FSTL5: variants seen among roughly 807,000 people sequenced by gnomAD.
FSTL5 encodes follistatin-related protein 5.
Under a neutral mutation model 89.1 loss-of-function variants are expected in FSTL5, and 62 were observed. The ratio of observed to expected loss-of-function variants is 0.70; its 90% confidence interval spans 0.57 to 0.86. The LOEUF (loss-of-function observed/expected upper bound fraction) is 0.86. Among genes scored for constraint, FSTL5 ranks in the 40% least tolerant of loss-of-function variants. FSTL5 has a pLI of 0.00. For synonymous variants in FSTL5, 383 were observed against 346.2 expected, an observed-to-expected ratio of 1.11 and a Z score of -1.18; for missense variants, 1,057 against 1,001.6, an observed-to-expected ratio of 1.06 and a Z score of -0.75.
chr4:161,587,353 A>G, intron 8 of FSTL5, 102 bp downstream of exon 8: 7 of 1,029,294 alleles, frequency 6.8e-6, no homozygotes, highest in Non-Finnish European at 8.8e-6. Flanking sequence ...AAAACTTGAA[A>G]TATTATTAGT....
At chr4:162,130,465 C>T (rs1032194158) in intron 1 of FSTL5, among the ~76,000 whole-genome samples, 21 of 152,226 alleles carry the variant, frequency 1.4e-4, no homozygotes, top group African/African-American at 4.8e-4. Flanking sequence ...ATTATCCTTA[C>T]AACTATATTT....
At chr4:162,132,988 G>A (rs1361647962) in intron 1 of FSTL5, among the ~76,000 whole-genome samples, 1 of 152,108 alleles carries the variant, frequency 6.6e-6, no homozygotes, top group Non-Finnish European at 1.5e-5. Flanking sequence ...TGTCGCCCAG[G>A]CTGGAGTGCA....
chr4:161,733,882 A>T (rs896275913), intron 6 of FSTL5, among the ~76,000 whole-genome samples: 3 of 151,992 alleles, frequency 2.0e-5, no homozygotes, highest in African/African-American at 7.2e-5. Context: ...AGTTATCTAG[A>T]CTAAACCTTA....
chr4:161,662,397 A>T (rs2126688498), intron 6 of FSTL5, among the ~76,000 whole-genome samples: 1 of 152,312 alleles, frequency 6.6e-6, no homozygotes, highest in Admixed American at 6.5e-5. Context: ...TTATGAAAAT[A>T]AAATTCCAGG....
intron 2 of FSTL5, among the ~76,000 whole-genome samples, chr4:162,079,361 G>A (rs1348662313): frequency 6.6e-6 from 1 of 151,604 alleles, no homozygotes; most frequent in Non-Finnish European, 1.5e-5. Flanking sequence ...GAGTAGAGAA[G>A]GGAAGAGGAA....
At chr4:161,519,826 A>G (rs1181720342) in intron 10 of FSTL5, among the ~76,000 whole-genome samples, 2 of 152,212 alleles carry the variant, frequency 1.3e-5, no homozygotes, top group Non-Finnish European at 2.9e-5. Context: ...CATTTTAAGT[A>G]TGTGGCAAGC....
chr4:161,634,381 C>G (rs1277155079), intron 7 of FSTL5, among the ~76,000 whole-genome samples: 2 of 152,218 alleles, frequency 1.3e-5, no homozygotes, highest in Non-Finnish European at 2.9e-5. Context: ...AGCAACCTCA[C>G]TACTGAATTT....
chr4:161,980,834 T>G (rs564723537), intron 3 of FSTL5, among the ~76,000 whole-genome samples: 14 of 134,512 alleles, frequency 1.0e-4, no homozygotes, highest in Admixed American at 4.4e-4. Context: ...TGTAGTGCAA[T>G]GGCGCGATCT....
intron 7 of FSTL5, among the ~76,000 whole-genome samples, chr4:161,611,226 GTATACATATATATA>G (rs890145895): frequency 2.2e-5 from 2 of 92,048 alleles, no homozygotes; most frequent in African/African-American, 8.7e-5. Flanking sequence ...GTGTGTATGT[GTATACATATATATA>G]TATATATATA....
chr4:161,712,664 C>G (rs1738831696), intron 6 of FSTL5, among the ~76,000 whole-genome samples: 1 of 152,120 alleles, frequency 6.6e-6, no homozygotes, highest in South Asian at 2.1e-4. Flanking sequence ...GGGTTTGGCT[C>G]ACGGGGGCAG....
At chr4:161,622,713 T>C (rs1431006936) in intron 7 of FSTL5, among the ~76,000 whole-genome samples, 1 of 152,090 alleles carries the variant, frequency 6.6e-6, no homozygotes, top group East Asian at 1.9e-4. Context: ...TTCATTAATA[T>C]AATCTGTTAC....
intron 9 of FSTL5, among the ~76,000 whole-genome samples, chr4:161,541,214 C>A (rs150388427): frequency 1.2e-4 from 19 of 152,094 alleles, no homozygotes; most frequent in African/African-American, 4.3e-4. Flanking sequence ...TTGTCATATT[C>A]TCTTAAAACT....
intron 10 of FSTL5, among the ~76,000 whole-genome samples, chr4:161,536,424 G>A (rs560105000): frequency 5.3e-5 from 8 of 152,030 alleles, no homozygotes; most frequent in Non-Finnish European, 1.0e-4. Flanking sequence ...AAATCCACCC[G>A]ATTTTGGTTT....
chr4:162,058,649 G>A (rs544380783), intron 2 of FSTL5, among the ~76,000 whole-genome samples: 4 of 151,836 alleles, frequency 2.6e-5, no homozygotes, highest in African/African-American at 9.7e-5. Flanking sequence ...GGCTGGTTTC[G>A]AACTTCTGAC....
intron 6 of FSTL5, among the ~76,000 whole-genome samples, chr4:161,721,043 C>T (rs1739185728): frequency 6.6e-6 from 1 of 151,972 alleles, no homozygotes; most frequent in Admixed American, 6.6e-5. Flanking sequence ...CTTTGGGAGG[C>T]TGAGGCGGGT....
At chr4:162,037,437 C>T (rs190517563) in intron 2 of FSTL5, among the ~76,000 whole-genome samples, 4 of 151,872 alleles carry the variant, frequency 2.6e-5, no homozygotes, top group South Asian at 2.1e-4. Context: ...TGGCTTTTTG[C>T]GAGAGTAGGT....
intron 3 of FSTL5, among the ~76,000 whole-genome samples, chr4:161,960,399 C>T (rs1735145003): frequency 6.6e-6 from 1 of 151,972 alleles, no homozygotes; most frequent in South Asian, 2.1e-4. Flanking sequence ...TGGTCTCAAA[C>T]TCCTGACCTC....
intron 2 of FSTL5, among the ~76,000 whole-genome samples, chr4:162,058,386 T>A (rs535635672): frequency 7.2e-5 from 11 of 151,842 alleles, no homozygotes; most frequent in African/African-American, 2.7e-4. Flanking sequence ...GGGAGAATAA[T>A]TCTGATCAAT....
Position 161,538,239 on chromosome 4 carries a change from A to G in FSTL5, c.1239T>C (p.Cys413=). Residue 413 remains cysteine (C), a synonymous_variant, in exon 10 of 16, where the codon TGT becomes TGC. Coordinates refer to ENST00000306100, the MANE Select transcript of FSTL5 (RefSeq NM_020116.5). ...CCACTCCTGCTTCATTCTTTGCGAT[A>G]CAAGTGTATGCTCCAGTATCTTCAT... is the stretch of plus-strand genomic sequence containing the variant. ...VRYEDTGAYT[C]IAKNEAGVDE... The G allele has an allele frequency of 6.2e-7, 1 of 1,614,050 alleles. No individual in the cohort carries two copies. Among genetic ancestry groups the G allele is most frequent in the South Asian group, 1.1e-5 (1 of 91,074 alleles).
Sources: gnomAD v4.1 joint callset for allele counts (sites outside exome capture counted in the v4.1 genomes callset) on GRCh38, gnomAD v4.1.1 for gene constraint, MANE v1.5 for transcripts, NCBI Gene and HGNC (gene_info 2026-07-23, HGNC 2026-07-21) for gene names.